CSMD1: variants seen among roughly 807,000 people sequenced by gnomAD.
CSMD1 encodes the protein CUB and Sushi multiple domains 1.
CSMD1 carries 213 observed loss-of-function variants against 417.5 expected under a neutral mutation model. The ratio of observed to expected loss-of-function variants is 0.51; its 90% CI spans 0.46 to 0.57. The LOEUF (loss-of-function observed/expected upper bound fraction) is 0.57. Among genes scored for constraint, CSMD1 ranks in the 20% least tolerant of loss-of-function variants. The probability of loss-of-function intolerance (pLI) is 0.00; values close to 1 mark genes in which losing one functional copy is unlikely to be tolerated. For synonymous variants in CSMD1, 2,862 were observed against 1,736.8 expected (o/e 1.65, Z -16.11); for missense variants, 6,923 against 4,529.7 (o/e 1.53, Z -15.17).
chr8:3,348,258 A>G lies in CSMD1; in HGVS notation c.3305-97T>C, dbSNP rs903583189. 39 of 833,670 alleles carry G rather than the reference A, an allele frequency of 4.7e-5. No individual in the cohort carries two copies. The South Asian group carries it at 6.1e-4, about 13-fold the overall frequency. 51.6% of individuals were successfully genotyped at this position (833,670 alleles called of 1,614,324 possible). ...TAAAATCATGATAGCCTCCTCTTCT[A>G]TCAACGTATGTGTGTTAGTAATATA... is the stretch of plus-strand genomic sequence containing the variant. On this transcript the variant is annotated intron_variant, in intron 21 of 69. Transcript: ENST00000635120.
intron 5 of CSMD1, among the ~76,000 whole-genome samples, chr8:3,936,621 C>T (rs746836923): frequency 6.6e-6 from 1 of 152,248 alleles, no homozygotes; most frequent in South Asian, 2.1e-4. Flanking sequence ...ACTGTTGAGA[C>T]GTACTGCTCA....
At chr8:4,941,884 G>C (rs899055003) in intron 1 of CSMD1, among the ~76,000 whole-genome samples, 1 of 152,154 alleles carries the variant, frequency 6.6e-6, no homozygotes, top group African/African-American at 2.4e-5. Context: ...ACAGGTGTGA[G>C]CCACCACATC....
At chr8:3,702,800 G>C (rs1474542329) in intron 7 of CSMD1, among the ~76,000 whole-genome samples, 1 of 152,214 alleles carries the variant, frequency 6.6e-6, no homozygotes. Flanking sequence ...CCACACTCCA[G>C]CCTGGGTGAC....
chr8:3,019,809 T>C (rs538092825), intron 51 of CSMD1, among the ~76,000 whole-genome samples: 102 of 152,318 alleles, frequency 6.7e-4, no homozygotes, highest in African/African-American at 2.4e-3. Flanking sequence ...TCAGAAACAC[T>C]TGAGCACAGA....
At chr8:3,221,061 A>G (rs1393362198) in intron 28 of CSMD1, among the ~76,000 whole-genome samples, 1 of 152,064 alleles carries the variant, frequency 6.6e-6, no homozygotes, top group African/African-American at 2.4e-5. Context: ...AATCACTAAA[A>G]TGTTCTAGGT....
intron 55 of CSMD1, among the ~76,000 whole-genome samples, 152 bp downstream of exon 55, chr8:2,978,460 G>T (rs1164454299): frequency 6.6e-6 from 1 of 152,160 alleles, no homozygotes; most frequent in Non-Finnish European, 1.5e-5. Context: ...CTGGCCACTC[G>T]ATCTACAGCT....
chr8:4,126,290 C>T (rs1231617959), intron 3 of CSMD1, among the ~76,000 whole-genome samples: 1 of 152,188 alleles, frequency 6.6e-6, no homozygotes, highest in African/African-American at 2.4e-5. Context: ...TTCTTCATAG[C>T]AATGTCCCTG....
intron 3 of CSMD1, among the ~76,000 whole-genome samples, chr8:4,332,512 C>T (rs149086548): frequency 6.7e-6 from 1 of 149,200 alleles, no homozygotes; most frequent in African/African-American, 2.4e-5. Context: ...CTGGTTTTTG[C>T]TTTTTTTCCC....
At chr8:3,533,232 A>T (rs531753248) in intron 10 of CSMD1, among the ~76,000 whole-genome samples, 23 of 152,306 alleles carry the variant, frequency 1.5e-4, no homozygotes, top group Admixed American at 6.5e-4. Flanking sequence ...GTATTTCATT[A>T]TTTTTATTGA....
intron 10 of CSMD1, among the ~76,000 whole-genome samples, chr8:3,520,230 G>A (rs181651180): frequency 6.6e-6 from 1 of 152,068 alleles, no homozygotes; most frequent in African/African-American, 2.4e-5. Flanking sequence ...ATGTAGATAA[G>A]TTGATTATAG....
intron 2 of CSMD1, among the ~76,000 whole-genome samples, chr8:4,620,119 G>T (rs1010178573): frequency 6.6e-6 from 1 of 151,700 alleles, no homozygotes; most frequent in Non-Finnish European, 1.5e-5. Context: ...TCAGTTATAG[G>T]AGTATACATT....
At chr8:3,473,551 G>A (rs1585216555) in intron 11 of CSMD1, among the ~76,000 whole-genome samples, 3 of 152,200 alleles carry the variant, frequency 2.0e-5, no homozygotes, top group African/African-American at 7.2e-5. Flanking sequence ...TTAAAACAAA[G>A]AAGCAAGCAA....
intron 10 of CSMD1, among the ~76,000 whole-genome samples, chr8:3,497,445 C>T (rs1360459604): frequency 6.6e-6 from 1 of 152,142 alleles, no homozygotes; most frequent in African/African-American, 2.4e-5. Flanking sequence ...CTTGCTCTGT[C>T]ACCCAGGCTG....
chr8:3,653,708 G>C (rs1319429874), intron 7 of CSMD1, among the ~76,000 whole-genome samples: 1 of 152,172 alleles, frequency 6.6e-6, no homozygotes, highest in Non-Finnish European at 1.5e-5. Context: ...AGCCTCCTTT[G>C]AGGAATGAGG....
chr8:4,075,175 C>T (rs1799757324), intron 3 of CSMD1, among the ~76,000 whole-genome samples: 1 of 152,088 alleles, frequency 6.6e-6, no homozygotes, highest in Non-Finnish European at 1.5e-5. Flanking sequence ...AGCTGAAAAT[C>T]CTTCCTTGTA....
chr8:3,538,947 A>C (rs541845330), intron 10 of CSMD1, among the ~76,000 whole-genome samples: 2 of 152,264 alleles, frequency 1.3e-5, no homozygotes, highest in African/African-American at 4.8e-5. Flanking sequence ...GTGAGACCCC[A>C]ATGTCATCAA....
At chr8:3,090,795 G>C (rs1451115269) in intron 48 of CSMD1, among the ~76,000 whole-genome samples, 3 of 152,128 alleles carry the variant, frequency 2.0e-5, no homozygotes, top group Non-Finnish European at 4.4e-5. Flanking sequence ...ATTGAAATGT[G>C]CTCAGGAATT....
chr8:4,204,535 G>T (rs530125188), intron 3 of CSMD1, among the ~76,000 whole-genome samples: 1 of 152,256 alleles, frequency 6.6e-6, no homozygotes, highest in Admixed American at 6.5e-5. Flanking sequence ...ACCTTTCAAA[G>T]TGTAGAAGAA....
At chr8:4,962,812 T>G (rs1809596315) in intron 1 of CSMD1, among the ~76,000 whole-genome samples, 1 of 152,160 alleles carries the variant, frequency 6.6e-6, no homozygotes, top group Admixed American at 6.5e-5. Context: ...TAAAAATAAT[T>G]TCACTTAATC....
Sources: gnomAD v4.1 joint callset for allele counts (sites outside exome capture counted in the v4.1 genomes callset) on GRCh38, gnomAD v4.1.1 for gene constraint, MANE v1.5 for transcripts, NCBI Gene and HGNC (gene_info 2026-07-23, HGNC 2026-07-21) for gene names.